Variants in CUX1 observed in about 807,000 individuals in gnomAD.
CUX1 encodes protein CASP.
CUX1 carries 31 observed loss-of-function variants against 158.8 expected under a neutral mutation model. The ratio of observed to expected loss-of-function variants is 0.20; its 90% confidence interval spans 0.15 to 0.26. The LOEUF (loss-of-function observed/expected upper bound fraction) is 0.26, where lower values mean the gene tolerates loss of function less well. Ranked by LOEUF, CUX1 falls within the 10% of genes least tolerant of loss-of-function variation. The pLI is 1.00. For synonymous variants in CUX1, 879 were observed against 862.1 expected (o/e 1.02, Z -0.34); for missense variants, 1,589 against 2,014.6 (o/e 0.79, Z 4.04).
chr7:101,816,419 G>T, upstream of CUX1, among the ~76,000 whole-genome samples: 1 of 140,478 alleles, frequency 7.1e-6, no homozygotes, highest in South Asian at 2.2e-4. Context: ...CGCCGCCGCC[G>T]CCAGCGCCGC....
intron 2 of CUX1, among the ~76,000 whole-genome samples, chr7:101,935,798 C>G (rs1806854414): frequency 6.6e-6 from 1 of 152,170 alleles, no homozygotes; most frequent in Middle Eastern, 3.2e-3. Context: ...GGACTTCACT[C>G]TGTCTGAGGC....
chr7:101,823,058 ATTTC>A (rs778281285), intron 1 of CUX1, among the ~76,000 whole-genome samples: 2 of 152,176 alleles, frequency 1.3e-5, no homozygotes, highest in Non-Finnish European at 2.9e-5. Flanking sequence ...AAGATTGTCA[ATTTC>A]TTTATTTTAA....
intron 8 of CUX1, among the ~76,000 whole-genome samples, chr7:102,124,758 A>AT (rs1554494579): frequency 6.6e-6 from 1 of 151,980 alleles, no homozygotes; most frequent in Non-Finnish European, 1.5e-5. Context: ...TAATGCCGGT[A>AT]TATTGTAAAA....
intron 1 of CUX1, among the ~76,000 whole-genome samples, chr7:101,818,342 CATTATT>C (rs1056862841): frequency 6.6e-6 from 1 of 150,700 alleles, no homozygotes; most frequent in African/African-American, 2.4e-5. Flanking sequence ...TAAGGACAAA[CATTATT>C]ATTATTTTTC....
At chr7:102,156,179 G>T (rs1438692282) in intron 8 of CUX1, among the ~76,000 whole-genome samples, 1 of 152,170 alleles carries the variant, frequency 6.6e-6, no homozygotes. Context: ...GGGGCCCGGA[G>T]ACAGTTTTTC....
Position 102,204,554 on chromosome 7 carries a change from C to T in CUX1, c.3071C>T (p.Pro1024Leu), listed in dbSNP as rs782368461. 6.2e-7 allele frequency: 1 copy of T among 1,613,030 alleles called. No homozygotes were observed. ...CCCGTCCAGGGCCAGCAGCAAGGGC[C>T]AGGTAATGGGGGTCCTGCCACAGGA... is the stretch of plus-strand genomic sequence containing the variant. ...VLPVQGQQQG[P>L]VLHSVTSLQD... Residue 1024 changes from proline to leucine, a missense_variant and splice_region_variant, in exon 19 of 24, where the codon CCA becomes CTA. Physicochemically the swap from Pro to Leu is moderately conservative, Grantham distance 98. Around this residue, in one of 8 missense-constraint regions of CUX1, gnomAD observed 259 missense variants for 373.8 expected, o/e 0.69. Transcript: ENST00000292535.
intron 2 of CUX1, among the ~76,000 whole-genome samples, chr7:101,984,540 T>A (rs1051667028): frequency 1.0e-4 from 15 of 148,106 alleles, no homozygotes; most frequent in African/African-American, 3.5e-4. Flanking sequence ...GAACCTGCCC[T>A]GCACTCTCAG....
At chr7:102,114,410 G>C (rs1554491203) in intron 7 of CUX1, among the ~76,000 whole-genome samples, 1 of 152,074 alleles carries the variant, frequency 6.6e-6, no homozygotes. Flanking sequence ...CAAGTAGCCG[G>C]GATTACAGGC....
At chr7:101,985,102 G>A (rs1814109937) in intron 2 of CUX1, among the ~76,000 whole-genome samples, 1 of 152,094 alleles carries the variant, frequency 6.6e-6, no homozygotes, top group Non-Finnish European at 1.5e-5. Context: ...AATAGTTGAT[G>A]GTTTAAATTG....
chr7:102,272,340 C>T (rs1380582537), intron 14 of CUX1, among the ~76,000 whole-genome samples: 2 of 152,222 alleles, frequency 1.3e-5, no homozygotes, highest in Non-Finnish European at 2.9e-5. Flanking sequence ...GGAGGCCGCA[C>T]ATACCATTTC....
intron 21 of CUX1, among the ~76,000 whole-genome samples, chr7:102,229,687 G>A (rs527737455): frequency 3.6e-5 from 5 of 138,658 alleles, no homozygotes; most frequent in East Asian, 2.2e-4. Flanking sequence ...GCACAATCGC[G>A]GCTCACTATA....
At position 102,082,867 on chromosome 7, in the gene CUX1, A is replaced by G. The variant is rs1827580275; in HGVS notation, c.268+12450A>G. ...TTATCCAACAGTTATGTTGACAGAC[A>G]TTTGGTTGGTTGTGGGTATTATGAA... On this transcript the variant is annotated intron_variant, in intron 4 of 23. Coordinates refer to ENST00000292535, the MANE Select transcript of CUX1 (RefSeq NM_181552.4). Among the ~76,000 whole-genome samples, 2 of 147,388 alleles carry G rather than the reference A, an allele frequency of 1.4e-5. 1 individual carries two copies. Among genetic ancestry groups the G allele is most frequent in the Admixed American group, 1.4e-4 (2 of 14,630 alleles).
chr7:102,124,208 G>A lies in CUX1; in HGVS notation c.674+8935G>A, dbSNP rs576063016. Reference sequence around the variant, plus strand: ...TAGCACATATGGTGATCTGTGAAACGGGGGTGTCATGACACACCCCTTCCT... The same window carrying A: ...TAGCACATATGGTGATCTGTGAAACAGGGGTGTCATGACACACCCCTTCCT... On this transcript the variant is annotated intron_variant, in intron 8 of 23. Transcript: ENST00000292535. Among the ~76,000 whole-genome samples, 10 of 152,284 alleles carry A rather than the reference G, an allele frequency of 6.6e-5. No individual in the cohort carries two copies. In the East Asian group the frequency reaches 1.9e-3, roughly 29 times the overall value.
chr7:102,205,391 C>G (rs1267587890), intron 20 of CUX1, among the ~76,000 whole-genome samples: 3 of 152,206 alleles, frequency 2.0e-5, no homozygotes, highest in African/African-American at 7.2e-5. Flanking sequence ...GATTTGCACG[C>G]CCACTGTCAT....
At position 102,239,552 on chromosome 7, in the gene CUX1, C is replaced by A. The variant is rs78058924; in HGVS notation, c.3855C>A (p.Thr1285=). Residue 1285 remains threonine (T), a synonymous_variant, in exon 23 of 24, where the codon ACC becomes ACA. Coordinates refer to ENST00000292535, the MANE Select transcript of CUX1 (RefSeq NM_181552.4). ...EDLATQLNLK[T]STVINWFHNY... ...TCGCCACCCAGCTCAACCTGAAAAC[C>A]AGCACCGTCATCAACTGGTTCCACA... The A allele has an allele frequency of 2.8e-3, 4,513 of 1,614,030 alleles. 238 individuals are homozygous for A. In the East Asian group the frequency reaches 0.095, roughly 34 times the overall value.
chr7:102,234,597 T>G (rs1013769677), intron 22 of CUX1, among the ~76,000 whole-genome samples: 1 of 152,028 alleles, frequency 6.6e-6, no homozygotes, highest in Non-Finnish European at 1.5e-5. Flanking sequence ...CTAGAGGCCT[T>G]CCTTTGTTAT....
chr7:102,103,438 TCA>T (rs10570497), intron 5 of CUX1, among the ~76,000 whole-genome samples: 27,971 of 103,392 alleles, frequency 0.27, 2,621 homozygotes, highest in Middle Eastern at 0.41. Context: ...TCTCTCTCAC[TCA>T]CTCACTCACT....
chr7:102,067,786 T>C (rs2130524902), intron 3 of CUX1, among the ~76,000 whole-genome samples: 1 of 151,554 alleles, frequency 6.6e-6, no homozygotes, highest in Middle Eastern at 3.4e-3. Flanking sequence ...ATGCCTGTAA[T>C]CTCGCCTGAC....
At chr7:101,835,251 C>T (rs1794499127) in intron 1 of CUX1, among the ~76,000 whole-genome samples, 1 of 152,124 alleles carries the variant, frequency 6.6e-6, no homozygotes, top group South Asian at 2.1e-4. Context: ...GATTACGTGA[C>T]CTTCGTGCTG....
Sources: gnomAD v4.1 joint callset for allele counts (sites outside exome capture counted in the v4.1 genomes callset) on GRCh38, gnomAD v4.1.1 for gene constraint, gnomAD v4.1.1 regional missense constraint, MANE v1.5 for transcripts, NCBI Gene and HGNC (gene_info 2026-07-23, HGNC 2026-07-21) for gene names.